Variants in WDR44 observed in about 807,000 individuals in gnomAD.
The protein encoded by WDR44 is WD repeat domain 44.
In WDR44, 9 loss-of-function variants were observed where a neutral mutation model predicts 65.7. The observed-to-expected ratio is 0.14, with a 90% CI of 0.08 to 0.24. WDR44 has a LOEUF of 0.24. Among genes scored for constraint, WDR44 ranks in the 10% least tolerant of loss-of-function variants. The probability of loss-of-function intolerance (pLI) is 1.00; values close to 1 mark genes in which losing one functional copy is unlikely to be tolerated. For synonymous variants in WDR44, 220 were observed against 235.2 expected (o/e 0.94, Z 0.59); for missense variants, 425 against 670.9 (o/e 0.63, Z 4.05).
intron 19 of WDR44, among the ~76,000 whole-genome samples, chrX:118,446,535 G>A (rs185563849): frequency 1.6e-3 from 184 of 112,079 alleles, no homozygotes; most frequent in African/African-American, 5.7e-3. Flanking sequence ...TAGATACAGT[G>A]TACAAAGAGT....
Position 118,397,005 on chromosome X carries a change from T to C in WDR44, c.1089T>C (p.Asp363=). ...ILASVMIKNL[D]TGEEIPLSLA... ...CCAGTGTAATGATTAAGAACCTGGA[T>C]ACTGGAGAAGAAATACCTTTGAGTC... The change falls in exon 7 of 20, where the codon GAT becomes GAC. Residue 363 remains aspartate (D), a synonymous_variant. Coordinates refer to ENST00000254029, the MANE Select transcript of WDR44 (RefSeq NM_019045.5). The C allele has an allele frequency of 8.4e-7, 1 of 1,195,667 alleles. No individual in the cohort carries two copies. The highest frequency in any genetic ancestry group is 1.1e-6 in the Non-Finnish European group (1 of 889,314).
At chrX:118,413,288 G>T (rs1391721130) in intron 12 of WDR44, among the ~76,000 whole-genome samples, 2 of 112,233 alleles carry the variant, frequency 1.8e-5, no homozygotes, top group Non-Finnish European at 1.9e-5. Flanking sequence ...CACAGTGGTT[G>T]TATTAGTTTA....
chrX:118,420,006 C>T (rs1356963658), intron 12 of WDR44, among the ~76,000 whole-genome samples: 1 of 111,435 alleles, frequency 9.0e-6, no homozygotes, highest in African/African-American at 3.3e-5. Flanking sequence ...TTCTTCCTTA[C>T]CCACATTTCA....
rs12014992 is a variant in WDR44, at chrX:118,369,626, G to A, written c.78-8793G>A. Among the ~76,000 whole-genome samples the A allele has an allele frequency of 1.5e-3, 155 of 106,028 alleles. 2 individuals carry two copies. The highest frequency in any genetic ancestry group is 4.8e-3 in the Middle Eastern group (1 of 210). The allele number at this position is 106,028 out of a possible 115,157, so 92.1% of individuals were successfully genotyped here. On this transcript the variant is annotated intron_variant, in intron 1 of 19. Transcript: ENST00000254029. ...TGGGGCTACAGGCGCCCACCACCAC[G>A]CCTGACTAATTTTTTGTATTTTTAG...
Position 118,392,661 on chromosome X carries a change from G to C in WDR44, c.216G>C (p.Gln72His). ...TTGAAAGTATTATTGAGGAGAGTCA[G>C]AAAGTACTACAGCTTGAAGATGACT... ...KIIESIIEESQKVLQLEDDSL... is the reference protein window; with the variant it reads ...KIIESIIEESHKVLQLEDDSL... The change falls in exon 4 of 20, where the codon CAG becomes CAC. Residue 72 changes from glutamine (Q) to histidine (H), a missense_variant. By Grantham distance (24) the Gln-to-His change is conservative. Transcript: ENST00000254029. 1 of 1,202,887 alleles carries C rather than the reference G, an allele frequency of 8.3e-7. No homozygotes were observed. Among genetic ancestry groups the C allele is most frequent in the African/African-American group, 1.7e-5 (1 of 57,470 alleles).
chrX:118,352,345 TATATA>T (rs2056418481), intron 1 of WDR44, among the ~76,000 whole-genome samples: 1 of 27,175 alleles, frequency 3.7e-5, no homozygotes, highest in African/African-American at 3.2e-4. Flanking sequence ...TATATATATA[TATATA>T]TATTTTTTTT....
At chrX:118,361,677 G>T (rs778703068) in intron 1 of WDR44, among the ~76,000 whole-genome samples, 2 of 111,636 alleles carry the variant, frequency 1.8e-5, no homozygotes, top group Admixed American at 1.9e-4. Flanking sequence ...GATCACTTGA[G>T]CCTGAGAGGC....
chrX:118,447,837 G>A (rs1408999333), intron 19 of WDR44, among the ~76,000 whole-genome samples: 2 of 99,921 alleles, frequency 2.0e-5, no homozygotes, highest in African/African-American at 7.2e-5. Flanking sequence ...TGGTGCCACT[G>A]CATTCCAGCC....
chrX:118,425,273 C>A (rs2057146184), intron 12 of WDR44, among the ~76,000 whole-genome samples: 1 of 112,114 alleles, frequency 8.9e-6, no homozygotes, highest in Non-Finnish European at 1.9e-5. Context: ...AGATGGGAAT[C>A]AGTGGGTTTT....
chrX:118,361,335 C>T (rs1294240642), intron 1 of WDR44, among the ~76,000 whole-genome samples: 6 of 111,980 alleles, frequency 5.4e-5, no homozygotes, highest in Non-Finnish European at 7.5e-5. Flanking sequence ...AATAGAGAAA[C>T]ACCAAGCCCA....
Position 118,392,701 on chromosome X carries a change from G to A in WDR44, c.256G>A (p.Gly86Arg). 8.3e-7 allele frequency: 1 copy of A among 1,210,968 alleles called. No individual in the cohort carries two copies. Among genetic ancestry groups the A allele is most frequent in the Non-Finnish European group, 1.1e-6 (1 of 894,930 alleles). The stretch of plus-strand genomic sequence containing the variant: ...TGAAGATGACTCTTTGGATTCCAAA[G>A]GAAAAGAACTCTCTGATCAAGCTAC... ...QLEDDSLDSKGKELSDQATAS... is the reference protein window; with the variant it reads ...QLEDDSLDSKRKELSDQATAS... The change falls in exon 4 of 20, where the codon GGA becomes AGA. Residue 86 changes from glycine (G) to arginine (R), a missense_variant. Gly to Arg is a moderately radical substitution (Grantham distance 125, BLOSUM62 -2). Coordinates refer to ENST00000254029, the MANE Select transcript of WDR44 (RefSeq NM_019045.5).
intron 1 of WDR44, among the ~76,000 whole-genome samples, chrX:118,378,130 A>G (rs2056678950): frequency 9.3e-6 from 1 of 108,021 alleles, no homozygotes; most frequent in East Asian, 2.9e-4. Context: ...TAATTTTTGT[A>G]TTTTCTGTGG....
At chrX:118,428,989 A>T (rs775647831) in intron 12 of WDR44, among the ~76,000 whole-genome samples, 11 of 110,825 alleles carry the variant, frequency 9.9e-5, no homozygotes, top group African/African-American at 3.6e-4. Context: ...ACTTATAAGT[A>T]GGAGCTGAAC....
intron 1 of WDR44, among the ~76,000 whole-genome samples, chrX:118,369,715 G>A (rs771829870): frequency 2.9e-4 from 32 of 110,642 alleles, no homozygotes; most frequent in Middle Eastern, 4.7e-3. Context: ...TGATCTGCCC[G>A]CCTCGGCCAC....
chrX:118,360,328 T>C (rs1304667769), intron 1 of WDR44, among the ~76,000 whole-genome samples: 2 of 112,366 alleles, frequency 1.8e-5, no homozygotes, highest in African/African-American at 6.5e-5. Context: ...AGGAGAACAG[T>C]CTCTTGTTCT....
chrX:118,405,438 C>T (rs1569372008), intron 9 of WDR44, among the ~76,000 whole-genome samples: 1 of 110,522 alleles, frequency 9.0e-6, no homozygotes, highest in Non-Finnish European at 1.9e-5. Context: ...CTCCTGGGTT[C>T]AAACAATTCT....
At chrX:118,417,664 C>T (rs192611093) in intron 12 of WDR44, among the ~76,000 whole-genome samples, 218 of 111,865 alleles carry the variant, frequency 1.9e-3, no homozygotes, top group Non-Finnish European at 3.0e-3. Flanking sequence ...TGTGCCTACG[C>T]GATGATCATT....
intron 4 of WDR44, among the ~76,000 whole-genome samples, chrX:118,393,852 G>T (rs1405201194): frequency 3.6e-5 from 4 of 111,362 alleles, no homozygotes; most frequent in Non-Finnish European, 5.6e-5. Context: ...AAAAACTTGG[G>T]ATTTGGAGAC....
At chrX:118,424,962 A>G (rs1378502829) in intron 12 of WDR44, among the ~76,000 whole-genome samples, 1 of 112,203 alleles carries the variant, frequency 8.9e-6, no homozygotes, top group African/African-American at 3.2e-5. Flanking sequence ...AAAGTAAAAC[A>G]AAGTGGGATG....
Sources: gnomAD v4.1 joint callset for allele counts (sites outside exome capture counted in the v4.1 genomes callset) on GRCh38, gnomAD v4.1.1 for gene constraint, MANE v1.5 for transcripts, NCBI Gene and HGNC (gene_info 2026-07-23, HGNC 2026-07-21) for gene names.